AGBL4: variants seen among roughly 807,000 people sequenced by gnomAD.
AGBL4 encodes the protein AGBL carboxypeptidase 4, also known as cytosolic carboxypeptidase 6.
Under a neutral mutation model 66.4 loss-of-function variants are expected in AGBL4, and 58 were observed. The observed-to-expected ratio is 0.87, with a 90% CI of 0.71 to 1.09. The LOEUF (loss-of-function observed/expected upper bound fraction) is 1.09, where lower values mean the gene tolerates loss of function less well. Ranked by LOEUF, AGBL4 falls within the 50% of genes least tolerant of loss-of-function variation. The probability of loss-of-function intolerance (pLI) is 0.00; values close to 1 mark genes in which losing one functional copy is unlikely to be tolerated. For missense variants in AGBL4, 579 were observed against 631.0 expected (o/e 0.92, Z 0.88); for synonymous variants, 234 against 222.9 (o/e 1.05, Z -0.44).
chr1:49,948,205 AATATATAAAT>A (rs370093648), intron 1 of AGBL4, among the ~76,000 whole-genome samples: 19,313 of 99,866 alleles, frequency 0.19, 2,395 homozygotes, highest in East Asian at 0.49. Flanking sequence ...TATAAATATA[AATATATAAAT>A]ATATATAAAT....
chr1:49,806,102 C>T (rs1278321280), intron 2 of AGBL4, among the ~76,000 whole-genome samples: 1 of 152,052 alleles, frequency 6.6e-6, no homozygotes, highest in Non-Finnish European at 1.5e-5. Flanking sequence ...AGCCTACATT[C>T]CTATAAACAG....
chr1:49,735,860 A>C (rs912747371), intron 2 of AGBL4, among the ~76,000 whole-genome samples: 11 of 152,124 alleles, frequency 7.2e-5, no homozygotes, highest in Admixed American at 3.9e-4. Context: ...TAAATAACCT[A>C]ATAAAAATAA....
intron 3 of AGBL4, among the ~76,000 whole-genome samples, chr1:49,562,759 T>C (rs1165182022): frequency 6.6e-6 from 1 of 152,160 alleles, no homozygotes; most frequent in Non-Finnish European, 1.5e-5. Flanking sequence ...TCCAGCTTTG[T>C]TCTTTTGGCT....
intron 3 of AGBL4, among the ~76,000 whole-genome samples, chr1:49,428,317 T>G (rs909621127): frequency 1.3e-5 from 2 of 152,204 alleles, no homozygotes; most frequent in African/African-American, 4.8e-5. Flanking sequence ...GGGAAAATAT[T>G]GAATTTCACA....
At chr1:49,114,174 C>A (rs559525777) in intron 4 of AGBL4, among the ~76,000 whole-genome samples, 1 of 152,336 alleles carries the variant, frequency 6.6e-6, no homozygotes, top group Non-Finnish European at 1.5e-5. Context: ...TAGTGAGCCA[C>A]CTTCATCAGT....
intron 5 of AGBL4, among the ~76,000 whole-genome samples, chr1:48,926,122 A>G (rs1372915406): frequency 6.6e-6 from 1 of 152,206 alleles, no homozygotes; most frequent in Non-Finnish European, 1.5e-5. Flanking sequence ...TCCTGTCACA[A>G]TATTCTATTC....
At chr1:49,304,126 T>G (rs1477343455) in intron 3 of AGBL4, among the ~76,000 whole-genome samples, 1 of 152,210 alleles carries the variant, frequency 6.6e-6, no homozygotes, top group Admixed American at 6.5e-5. Flanking sequence ...TACATTTAAG[T>G]CTTTAATCCA....
At chr1:49,022,425 A>C (rs1042801905) in intron 5 of AGBL4, among the ~76,000 whole-genome samples, 14 of 152,140 alleles carry the variant, frequency 9.2e-5, no homozygotes, top group African/African-American at 3.4e-4. Context: ...AGAGATATAA[A>C]TTAATAGATT....
chr1:49,067,903 C>CCTGG (rs1475682334), intron 4 of AGBL4, among the ~76,000 whole-genome samples: 2 of 151,406 alleles, frequency 1.3e-5, no homozygotes, highest in Non-Finnish European at 2.9e-5. Flanking sequence ...CTATCCCTCC[C>CCTGG]CCAGCCCCCC....
chr1:48,972,589 C>G (rs948775613), intron 5 of AGBL4, among the ~76,000 whole-genome samples: 1 of 152,060 alleles, frequency 6.6e-6, no homozygotes, highest in Non-Finnish European at 1.5e-5. Flanking sequence ...TTTCTTACAG[C>G]GTAGCTAGAA....
chr1:48,785,237 C>A (rs1247546476), intron 6 of AGBL4, among the ~76,000 whole-genome samples: 1 of 152,180 alleles, frequency 6.6e-6, no homozygotes, highest in Non-Finnish European at 1.5e-5. Flanking sequence ...TCTATCTCTG[C>A]CTATAGATCA....
chr1:49,908,689 A>C (rs1650517560), intron 1 of AGBL4, among the ~76,000 whole-genome samples: 1 of 151,900 alleles, frequency 6.6e-6, no homozygotes, highest in African/African-American at 2.4e-5. Flanking sequence ...GCTACTTGGG[A>C]GGCTAATGTG....
At chr1:49,912,011 G>C (rs1279396438) in intron 1 of AGBL4, among the ~76,000 whole-genome samples, 1 of 152,194 alleles carries the variant, frequency 6.6e-6, no homozygotes, top group East Asian at 1.9e-4. Context: ...AGCAGATCCT[G>C]AGGGGCTAAG....
chr1:49,877,579 T>G lies in AGBL4; in HGVS notation c.35-26061A>C, dbSNP rs1474905464. On this transcript the variant is annotated intron_variant, in intron 1 of 13. Transcript: ENST00000371839. ...GGTTTGCCAGTATTTTATTGAGGAT[T>G]TTTGCATCGATGTTCATCAAGGATA... 1.3e-5 allele frequency among the ~76,000 whole-genome samples: 2 copies of G among 152,036 alleles called. 1 individual carries two copies. Among genetic ancestry groups the G allele is most frequent in the African/African-American group, 4.8e-5 (2 of 41,322 alleles).
intron 5 of AGBL4, among the ~76,000 whole-genome samples, chr1:48,879,130 T>C (rs1249491904): frequency 6.6e-6 from 1 of 150,656 alleles, no homozygotes; most frequent in Non-Finnish European, 1.5e-5. Flanking sequence ...CAATGCATAA[T>C]AACAACCCAT....
At chr1:48,523,431 C>T in the AGBL4 span, among the ~76,000 whole-genome samples, 1 of 152,174 alleles carries the variant, frequency 6.6e-6, no homozygotes, top group African/African-American at 2.4e-5. Context: ...TTAGAAACAG[C>T]AATAATGCTT....
intron 4 of AGBL4, among the ~76,000 whole-genome samples, chr1:49,167,319 CT>C (rs1646653092): frequency 6.6e-6 from 1 of 152,158 alleles, no homozygotes; most frequent in Admixed American, 6.6e-5. Flanking sequence ...CTCTTTCACA[CT>C]TTTGCTCACA....
intron 1 of AGBL4, among the ~76,000 whole-genome samples, chr1:49,875,098 T>G (rs150237673): frequency 6.7e-6 from 1 of 150,018 alleles, no homozygotes; most frequent in African/African-American, 2.4e-5. Context: ...GTTCTTGTGA[T>G]AGTTTACTAA....
chr1:49,348,069 G>A (rs1056784596), intron 3 of AGBL4, among the ~76,000 whole-genome samples: 3 of 152,008 alleles, frequency 2.0e-5, no homozygotes, highest in African/African-American at 4.8e-5. Flanking sequence ...TTGAGGTTGG[G>A]ACATTATTCT....
Sources: allele counts gnomAD v4.1 joint callset (sites outside exome capture counted in the v4.1 genomes callset), GRCh38; gene constraint gnomAD v4.1.1; transcripts MANE v1.5; gene names NCBI Gene and HGNC (gene_info 2026-07-23, HGNC 2026-07-21).